Variants in NTM observed in about 807,000 individuals in gnomAD.
NTM encodes IgLON family member 2.
In NTM, 13 loss-of-function variants were observed where a neutral mutation model predicts 42.1. That is an observed-to-expected ratio of 0.31 (90% CI 0.20 to 0.49). The LOEUF is 0.49. Ranked by LOEUF, NTM falls within the 20% of genes least tolerant of loss-of-function variation. NTM has a pLI of 0.99. For missense variants in NTM, 373 were observed against 452.8 expected (o/e 0.82, Z 1.60); for synonymous variants, 187 against 179.2 (o/e 1.04, Z -0.35).
At chr11:131,572,157 G>C (rs997434050) in intron 1 of NTM, among the ~76,000 whole-genome samples, 4 of 152,140 alleles carry the variant, frequency 2.6e-5, no homozygotes, top group Admixed American at 6.5e-5. Flanking sequence ...GAAGGACATA[G>C]GCACACACAG....
chr11:131,454,861 A>G (rs1221578923), intron 1 of NTM, among the ~76,000 whole-genome samples: 4 of 152,128 alleles, frequency 2.6e-5, no homozygotes, highest in African/African-American at 7.2e-5. Flanking sequence ...TGTATTTGGC[A>G]TAGTGTAAAT....
At chr11:131,715,269 A>G (rs1164988715) in intron 1 of NTM, among the ~76,000 whole-genome samples, 1 of 152,232 alleles carries the variant, frequency 6.6e-6, no homozygotes, top group East Asian at 1.9e-4. Flanking sequence ...ATTTATAGCA[A>G]GATTGAACCA....
At chr11:131,906,218 A>G (rs182897842) in intron 1 of NTM, among the ~76,000 whole-genome samples, 22 of 152,226 alleles carry the variant, frequency 1.4e-4, no homozygotes, top group African/African-American at 4.8e-4. Context: ...ATTCTGGGCA[A>G]TCATGGTAAC....
At chr11:131,675,609 G>A (rs2071241711) in intron 1 of NTM, among the ~76,000 whole-genome samples, 1 of 152,158 alleles carries the variant, frequency 6.6e-6, no homozygotes, top group African/African-American at 2.4e-5. Flanking sequence ...GCTTACTCGA[G>A]TTCTCGCAGC....
At chr11:131,721,987 ACT>A (rs1229054111) in intron 1 of NTM, among the ~76,000 whole-genome samples, 4 of 130,494 alleles carry the variant, frequency 3.1e-5, no homozygotes, top group South Asian at 5.2e-4. Flanking sequence ...CAAGAGTGAA[ACT>A]CTGTCTCAAA....
chr11:131,408,301 G>A (rs1946030491), intron 1 of NTM, among the ~76,000 whole-genome samples: 1 of 152,196 alleles, frequency 6.6e-6, no homozygotes, highest in African/African-American at 2.4e-5. Context: ...CTGCCTGTAA[G>A]AAGCTTACGT....
At chr11:131,999,471 G>C (rs2068751941) in intron 2 of NTM, among the ~76,000 whole-genome samples, 1 of 152,206 alleles carries the variant, frequency 6.6e-6, no homozygotes, top group African/African-American at 2.4e-5. Flanking sequence ...CAAGCTGTGG[G>C]TTAGGAGAAG....
chr11:131,835,243 T>A (rs714059), intron 1 of NTM, among the ~76,000 whole-genome samples: 1 of 151,856 alleles, frequency 6.6e-6, no homozygotes, highest in Non-Finnish European at 1.5e-5. Flanking sequence ...AAAATACATG[T>A]GTGTTGTATG....
intron 3 of NTM, among the ~76,000 whole-genome samples, chr11:132,169,342 T>TTTTTTTTTTTTTTTTTG: frequency 8.7e-6 from 1 of 115,328 alleles, no homozygotes; most frequent in African/African-American, 3.3e-5. Flanking sequence ...TTTTTTTTTT[T>TTTTTTTTTTTTTTTTTG]TTTTTTTTTT....
At chr11:131,550,002 C>T (rs2054451864) in intron 1 of NTM, among the ~76,000 whole-genome samples, 1 of 152,142 alleles carries the variant, frequency 6.6e-6, no homozygotes, top group Non-Finnish European at 1.5e-5. Flanking sequence ...GGCACAAACA[C>T]TCAGTGTTTA....
At chr11:132,212,629 G>T (rs574049989) in intron 4 of NTM, among the ~76,000 whole-genome samples, 1 of 152,116 alleles carries the variant, frequency 6.6e-6, no homozygotes, top group African/African-American at 2.4e-5. Context: ...GTTTTACTCC[G>T]ATTGATCCTA....
At chr11:131,653,598 C>T (rs527386143) in intron 1 of NTM, among the ~76,000 whole-genome samples, 2 of 152,354 alleles carry the variant, frequency 1.3e-5, no homozygotes, top group Admixed American at 1.3e-4. Flanking sequence ...TCTGTGCAAA[C>T]TGTGAGATGT....
At chr11:131,458,253 G>A (rs1475855815) in intron 1 of NTM, among the ~76,000 whole-genome samples, 1 of 152,184 alleles carries the variant, frequency 6.6e-6, no homozygotes, top group East Asian at 1.9e-4. Context: ...CTGCTGGCAG[G>A]TGGAGTGAGC....
intron 1 of NTM, among the ~76,000 whole-genome samples, chr11:131,752,230 A>C (rs2135711230): frequency 6.6e-6 from 1 of 152,362 alleles, no homozygotes; most frequent in African/African-American, 2.4e-5. Context: ...TGGGCGAAGG[A>C]TATGAACAGA....
chr11:131,603,509 T>A (rs976038965), intron 1 of NTM, among the ~76,000 whole-genome samples: 2 of 152,074 alleles, frequency 1.3e-5, no homozygotes, highest in Non-Finnish European at 2.9e-5. Flanking sequence ...CTCCTCATTT[T>A]AAAAAATCAG....
At chr11:131,419,045 A>T (rs1947243996) in intron 1 of NTM, among the ~76,000 whole-genome samples, 1 of 152,130 alleles carries the variant, frequency 6.6e-6, no homozygotes, top group Admixed American at 6.5e-5. Context: ...GCTTTCATAG[A>T]TCCACCCATC....
intron 2 of NTM, among the ~76,000 whole-genome samples, chr11:131,990,233 C>T (rs937118104): frequency 6.6e-6 from 1 of 152,094 alleles, no homozygotes; most frequent in African/African-American, 2.4e-5. Flanking sequence ...CTAAATCTGA[C>T]TTTCTTCCTA....
At chr11:131,676,551 A>G (rs2071436779) in intron 1 of NTM, among the ~76,000 whole-genome samples, 1 of 152,192 alleles carries the variant, frequency 6.6e-6, no homozygotes, top group Admixed American at 6.5e-5. Context: ...GGGAGCACAT[A>G]AGAGACAGAA....
At position 131,610,438 on chromosome 11, in the gene NTM, ATTC is replaced by A. The variant is rs112942772; in HGVS notation, c.82+239555_82+239557del. 8.6e-4 allele frequency among the ~76,000 whole-genome samples: 131 copies of A among 152,352 alleles called. 2 individuals are homozygous for A. The highest frequency in any genetic ancestry group is 3.1e-3 in the African/African-American group (129 of 41,592). On this transcript the variant is annotated intron_variant, in intron 1 of 8. Coordinates refer to ENST00000683400, the MANE Select transcript of NTM (RefSeq NM_001352005.2). ...GAATTCATTAGTAAATAAGTGCAGA[ATTC>A]TTCTCCTATGTAGAATAGTGGGCTC...
Sources: gnomAD v4.1 joint callset for allele counts (sites outside exome capture counted in the v4.1 genomes callset) on GRCh38, gnomAD v4.1.1 for gene constraint, MANE v1.5 for transcripts, NCBI Gene and HGNC (gene_info 2026-07-23, HGNC 2026-07-21) for gene names.